RYR2: variants seen among roughly 807,000 people sequenced by gnomAD.
RYR2 encodes cardiac muscle ryanodine receptor-calcium release channel.
In RYR2, 227 loss-of-function variants were observed where a neutral mutation model predicts 601.1. That is an observed-to-expected ratio of 0.38 (90% confidence interval 0.34 to 0.42). The LOEUF is 0.42. RYR2 is among the 10% of genes least tolerant of loss of function. RYR2 has a pLI of 1.00. For synonymous variants in RYR2, 2,223 were observed against 2,175.1 expected (o/e 1.02, Z -0.61); for missense variants, 4,646 against 6,156.5 (o/e 0.75, Z 8.21).
chr1:237,605,443 A>T (rs1677009874), intron 35 of RYR2, among the ~76,000 whole-genome samples: 1 of 152,208 alleles, frequency 6.6e-6, no homozygotes, highest in African/African-American at 2.4e-5. Flanking sequence ...AGAGCTATTT[A>T]TGACAAACCC....
chr1:237,759,160 C>G (rs1693202274), intron 82 of RYR2, among the ~76,000 whole-genome samples: 1 of 152,184 alleles, frequency 6.6e-6, no homozygotes, highest in Admixed American at 6.5e-5. Flanking sequence ...CATCTCTGCT[C>G]ACTGCAACCT....
intron 14 of RYR2, among the ~76,000 whole-genome samples, chr1:237,451,108 T>A (rs2150196521): frequency 6.6e-6 from 1 of 152,212 alleles, no homozygotes; most frequent in South Asian, 2.1e-4. Flanking sequence ...AAGTCCCAAA[T>A]TTAGGCTGGG....
chr1:237,121,093 T>G (rs2485567), intron 1 of RYR2: 110,795 of 152,052 alleles, frequency 0.73, 41,839 homozygotes, highest in Non-Finnish European at 0.82. Context: ...GTGAGACCAC[T>G]GTAGGTGGTT....
intron 48 of RYR2, among the ~76,000 whole-genome samples, chr1:237,644,511 C>A (rs1000166180): frequency 7.9e-5 from 12 of 152,122 alleles, no homozygotes; most frequent in Non-Finnish European, 1.2e-4. Flanking sequence ...GGTTTACAGG[C>A]ATGAGGCACT....
intron 17 of RYR2, among the ~76,000 whole-genome samples, chr1:237,482,126 A>C (rs1662181525): frequency 6.6e-6 from 1 of 152,186 alleles, no homozygotes; most frequent in African/African-American, 2.4e-5. Context: ...ATGTGAAATA[A>C]GCACATCATG....
At chr1:237,490,531 A>T (rs1572563529) in intron 17 of RYR2, among the ~76,000 whole-genome samples, 1 of 152,062 alleles carries the variant, frequency 6.6e-6, no homozygotes, top group East Asian at 1.9e-4. Flanking sequence ...AAAAAAAGGT[A>T]TTCAGTTTTA....
chr1:237,116,792 A>G (rs1670128389), intron 1 of RYR2, among the ~76,000 whole-genome samples: 2 of 152,136 alleles, frequency 1.3e-5, no homozygotes, highest in African/African-American at 4.8e-5. Flanking sequence ...AGTGAGGCAG[A>G]GAACACAAGG....
chr1:237,255,119 T>C (rs1223654890), intron 1 of RYR2, among the ~76,000 whole-genome samples: 1 of 152,194 alleles, frequency 6.6e-6, no homozygotes, highest in Non-Finnish European at 1.5e-5. Context: ...AACTGGGAAA[T>C]TCAGATCATT....
intron 11 of RYR2, among the ~76,000 whole-genome samples, chr1:237,420,228 G>T (rs1432370123): frequency 6.6e-6 from 1 of 152,104 alleles, no homozygotes. Flanking sequence ...AAATTATAGG[G>T]ATATTGTAAG....
intron 8 of RYR2, 85 bp from the exon 9 acceptor site, chr1:237,387,196 A>G: frequency 8.6e-7 from 1 of 1,167,124 alleles, no homozygotes. Flanking sequence ...CAAATCAGCA[A>G]CGTTAAGTTT....
At chr1:237,396,337 A>G (rs1231631823) in intron 10 of RYR2, among the ~76,000 whole-genome samples, 1 of 152,216 alleles carries the variant, frequency 6.6e-6, no homozygotes, top group Non-Finnish European at 1.5e-5. Context: ...ACATACGGGA[A>G]GAGTCTCTGG....
intron 2 of RYR2, among the ~76,000 whole-genome samples, chr1:237,278,188 A>G (rs1429903018): frequency 6.6e-6 from 1 of 150,490 alleles, no homozygotes; most frequent in Non-Finnish European, 1.5e-5. Context: ...TTCCCACCTC[A>G]GCCTTCCAGG....
intron 27 of RYR2, among the ~76,000 whole-genome samples, chr1:237,556,331 G>A (rs755525877): frequency 4.7e-5 from 7 of 149,638 alleles, no homozygotes; most frequent in Non-Finnish European, 7.4e-5. Context: ...ATAGAATCTC[G>A]CTCTGTCCCC....
chr1:237,671,521 G>A (rs61382332), intron 58 of RYR2, among the ~76,000 whole-genome samples: 2,886 of 139,156 alleles, frequency 0.021, 108 homozygotes, highest in African/African-American at 0.076. Context: ...GTGTGTGTGC[G>A]TGTGTGTGTG....
At chr1:237,684,126 G>A (rs1378620130) in intron 62 of RYR2, among the ~76,000 whole-genome samples, 2 of 151,562 alleles carry the variant, frequency 1.3e-5, no homozygotes, top group Non-Finnish European at 2.9e-5. Flanking sequence ...AGTAGAGATA[G>A]GGTTTCACCA....
intron 26 of RYR2, among the ~76,000 whole-genome samples, chr1:237,550,259 G>A (rs1457654651): frequency 2.0e-5 from 3 of 152,216 alleles, no homozygotes; most frequent in Non-Finnish European, 4.4e-5. Flanking sequence ...CCTTTGCCAT[G>A]TGAACGTGGC....
At chr1:237,724,210 T>C (rs1460408784) in intron 74 of RYR2, among the ~76,000 whole-genome samples, 1 of 147,350 alleles carries the variant, frequency 6.8e-6, no homozygotes, top group East Asian at 2.0e-4. Flanking sequence ...TATATATATA[T>C]ATATATATGT....
chr1:237,423,609 A>G (rs560831917), intron 12 of RYR2, among the ~76,000 whole-genome samples: 68 of 143,466 alleles, frequency 4.7e-4, no homozygotes, highest in African/African-American at 1.7e-3. Flanking sequence ...TGTCGTTTAC[A>G]GTTCTTAAAA....
Position 237,496,711 on chromosome 1 carries a change from A to G in RYR2, c.2162A>G (p.Asp721Gly). ...EEWGGNGVGD[D>G]LFSYGFDGLH... ...TGGGGTGGAAATGGTGTTGGAGATG[A>G]TCTCTTCTCCTATGGATTTGATGGC... Residue 721 changes from aspartate to glycine, a missense_variant, in exon 20 of 105, where the codon GAT (aspartate) becomes GGT (glycine). Asp to Gly is a moderately conservative substitution (Grantham distance 94). This residue lies in a region of RYR2 where 1,807 missense variants were observed against 2,088.1 expected (regional missense o/e 0.87). Transcript: ENST00000366574. 1.2e-6 allele frequency: 2 copies of G among 1,613,816 alleles called. No individual in the cohort carries two copies. Among genetic ancestry groups the G allele is most frequent in the Non-Finnish European group, 1.7e-6 (2 of 1,179,830 alleles).
Sources: allele counts gnomAD v4.1 joint callset (sites outside exome capture counted in the v4.1 genomes callset), GRCh38; gene constraint gnomAD v4.1.1; regional missense constraint gnomAD v4.1.1; transcripts MANE v1.5; gene names NCBI Gene and HGNC (gene_info 2026-07-23, HGNC 2026-07-21).